VWF: variants seen among roughly 807,000 people sequenced by gnomAD.
The protein encoded by VWF is Factor VIII related antigen.
Under a neutral mutation model 308.6 loss-of-function variants are expected in VWF, and 176 were observed. The ratio of observed to expected loss-of-function variants is 0.57; its 90% CI spans 0.50 to 0.65. The LOEUF is 0.65. Among genes scored for constraint, VWF ranks in the 30% least tolerant of loss-of-function variants. The pLI, the probability that VWF is intolerant of heterozygous loss-of-function variation, is 0.00. For missense variants in VWF, 3,146 were observed against 3,648.2 expected (o/e 0.86, Z 3.55); for synonymous variants, 1,385 against 1,443.4 (o/e 0.96, Z 0.92).
intron 44 of VWF, among the ~76,000 whole-genome samples, chr12:5,970,874 C>T (rs554305406): frequency 1.3e-5 from 2 of 152,380 alleles, no homozygotes; most frequent in South Asian, 4.1e-4. Context: ...CCACCTTATC[C>T]TTCTGACCAG....
chr12:6,007,377 T>A (rs1943941216), intron 34 of VWF, among the ~76,000 whole-genome samples: 1 of 152,210 alleles, frequency 6.6e-6, no homozygotes, highest in Non-Finnish European at 1.5e-5. Flanking sequence ...ATACCAAGTA[T>A]CTTTTCTGAC....
chr12:6,108,842 A>G (rs770008479), intron 5 of VWF, among the ~76,000 whole-genome samples: 11 of 152,032 alleles, frequency 7.2e-5, no homozygotes, highest in Non-Finnish European at 1.3e-4. Context: ...TTAGCCAGGC[A>G]TGGTGGCGGG....
intron 25 of VWF, among the ~76,000 whole-genome samples, chr12:6,023,420 A>C (rs1944152660): frequency 6.6e-6 from 1 of 152,186 alleles, no homozygotes; most frequent in Admixed American, 6.5e-5. Context: ...CCACATGTTC[A>C]TGCCTTGAAT....
intron 10 of VWF, among the ~76,000 whole-genome samples, chr12:6,065,692 A>C (rs1944705601): frequency 6.6e-6 from 1 of 152,042 alleles, no homozygotes; most frequent in Non-Finnish European, 1.5e-5. Context: ...GGCCAGGGGG[A>C]GGCTGCCCAA....
At chr12:6,067,474 A>G (rs1336733461) in intron 10 of VWF, among the ~76,000 whole-genome samples, 1 of 152,234 alleles carries the variant, frequency 6.6e-6, no homozygotes, top group Non-Finnish European at 1.5e-5. Flanking sequence ...TAATCGTCTC[A>G]TCTGATTTCC....
At chr12:5,993,821 A>G (rs773800816) in intron 37 of VWF, 41 bp downstream of exon 37, 5 of 1,593,232 alleles carry the variant, frequency 3.1e-6, no homozygotes, top group Admixed American at 1.7e-5. Context: ...AAGCCCAGTT[A>G]GCTGGTCTCC....
intron 18 of VWF, among the ~76,000 whole-genome samples, chr12:6,039,590 T>A (rs1305165935): frequency 6.6e-6 from 1 of 152,208 alleles, no homozygotes; most frequent in East Asian, 1.9e-4. Context: ...CCGCTTTTTT[T>A]AAACCTCTCG....
At chr12:6,102,535 G>A (rs1475044055) in intron 5 of VWF, among the ~76,000 whole-genome samples, 1 of 152,146 alleles carries the variant, frequency 6.6e-6, no homozygotes, top group African/African-American at 2.4e-5. Context: ...AAGAGATCCA[G>A]ACCATCCTGG....
intron 44 of VWF, among the ~76,000 whole-genome samples, chr12:5,971,236 C>A (rs1333300082): frequency 6.6e-6 from 1 of 152,184 alleles, no homozygotes; most frequent in Non-Finnish European, 1.5e-5. Context: ...GAGGACCCTG[C>A]CTGGGTTGAT....
chr12:5,974,022 T>C (rs987005850), intron 43 of VWF, among the ~76,000 whole-genome samples: 3 of 152,176 alleles, frequency 2.0e-5, no homozygotes, highest in Non-Finnish European at 2.9e-5. Flanking sequence ...ATGGAGGAGC[T>C]TGGGGAAAGT....
intron 20 of VWF, among the ~76,000 whole-genome samples, chr12:6,032,520 C>T (rs1395928482): frequency 6.7e-6 from 1 of 150,342 alleles, no homozygotes; most frequent in Non-Finnish European, 1.5e-5. Flanking sequence ...CGCCTGTAGT[C>T]CCAGCTACTA....
chr12:5,952,851 C>T (rs1039259741), intron 48 of VWF, among the ~76,000 whole-genome samples: 9 of 152,166 alleles, frequency 5.9e-5, no homozygotes, highest in African/African-American at 1.7e-4. Flanking sequence ...CCAGCTAGTC[C>T]GGACTTCATA....
chr12:5,961,426 T>A (rs1943314324), intron 47 of VWF, among the ~76,000 whole-genome samples: 2 of 152,116 alleles, frequency 1.3e-5, no homozygotes, highest in South Asian at 4.1e-4. Context: ...AAAGAAAATA[T>A]TCCCATCAGT....
At chr12:6,030,753 C>G (rs1157773398) in intron 21 of VWF, among the ~76,000 whole-genome samples, 1 of 152,212 alleles carries the variant, frequency 6.6e-6, no homozygotes, top group South Asian at 2.1e-4. Context: ...TCTGGCCAGG[C>G]ATGGTGGCTC....
chr12:6,087,886 C>A (rs1340379170), intron 6 of VWF, among the ~76,000 whole-genome samples: 1 of 152,118 alleles, frequency 6.6e-6, no homozygotes, highest in Non-Finnish European at 1.5e-5. Context: ...TGATTCACCA[C>A]TCTACGGTAG....
intron 21 of VWF, among the ~76,000 whole-genome samples, chr12:6,030,208 C>T (rs181936146): frequency 2.0e-4 from 31 of 152,340 alleles, no homozygotes; most frequent in Non-Finnish European, 1.5e-5. Flanking sequence ...ACATGCAGTG[C>T]AGAGCTAATC....
intron 43 of VWF, 89 bp downstream of exon 43, chr12:5,976,022 A>T: frequency 6.3e-7 from 1 of 1,588,356 alleles, no homozygotes. Flanking sequence ...TTTCAAAAAA[A>T]AAAGAACCTT....
intron 34 of VWF, among the ~76,000 whole-genome samples, chr12:6,008,585 A>G (rs1943957327): frequency 6.6e-6 from 1 of 152,206 alleles, no homozygotes; most frequent in Non-Finnish European, 1.5e-5. Context: ...GTGCAAAACT[A>G]AAAGCTTTTC....
Position 5,985,645 on chromosome 12 carries a change from C to T in VWF, c.6819G>A (p.Pro2273=), listed in dbSNP as rs1335826299. Reference sequence around the variant, plus strand: ...TGCAGATCTGACAGGGCTGGTGGTCCGGGACCCAGGCTTCCAGGAACTGAG... The same window carrying T: ...TGCAGATCTGACAGGGCTGGTGGTCTGGGACCCAGGCTTCCAGGAACTGAG... ...VQHQFLEAWV[P]DHQPCQICTC... The change falls in exon 39 of 52, where the codon CCG becomes CCA. Residue 2273 remains proline (P), a synonymous_variant. Transcript: ENST00000261405. 1.2e-6 allele frequency: 2 copies of T among 1,614,052 alleles called. No homozygotes were observed. Among genetic ancestry groups the T allele is most frequent in the East Asian group, 2.2e-5 (1 of 44,876 alleles).
Sources: allele counts gnomAD v4.1 joint callset (sites outside exome capture counted in the v4.1 genomes callset), GRCh38; gene constraint gnomAD v4.1.1; transcripts MANE v1.5; gene names NCBI Gene and HGNC (gene_info 2026-07-23, HGNC 2026-07-21).